MACROD2: variants seen among roughly 807,000 people sequenced by gnomAD.
The protein encoded by MACROD2 is ADP-ribose glycohydrolase MACROD2.
MACROD2 carries 36 observed loss-of-function variants against 70.4 expected under a neutral mutation model. The observed-to-expected ratio is 0.51, with a 90% CI of 0.39 to 0.68. MACROD2 has a LOEUF of 0.68. Among genes scored for constraint, MACROD2 ranks in the 30% least tolerant of loss-of-function variants. The probability of loss-of-function intolerance (pLI) is 0.00; values close to 1 mark genes in which losing one functional copy is unlikely to be tolerated. For synonymous variants in MACROD2, 172 were observed against 178.8 expected (o/e 0.96, Z 0.30); for missense variants, 496 against 538.4 (o/e 0.92, Z 0.78).
intron 5 of MACROD2, among the ~76,000 whole-genome samples, chr20:15,058,092 A>G (rs758454905): frequency 1.3e-5 from 2 of 152,130 alleles, no homozygotes; most frequent in African/African-American, 2.4e-5. Flanking sequence ...GAGGCCTGCT[A>G]TGGACCGGCT....
At chr20:15,891,612 G>C (rs1301960355) in intron 10 of MACROD2, among the ~76,000 whole-genome samples, 1 of 152,160 alleles carries the variant, frequency 6.6e-6, no homozygotes, top group Non-Finnish European at 1.5e-5. Flanking sequence ...ATCTATTTTA[G>C]AATGGAGCTG....
intron 8 of MACROD2, among the ~76,000 whole-genome samples, chr20:15,670,312 G>A (rs760364472): frequency 6.6e-6 from 1 of 152,134 alleles, no homozygotes; most frequent in Non-Finnish European, 1.5e-5. Flanking sequence ...CCCGACTAAT[G>A]CTAGGATGGT....
At chr20:14,637,810 C>G (rs538990340) in intron 4 of MACROD2, among the ~76,000 whole-genome samples, 1 of 151,958 alleles carries the variant, frequency 6.6e-6, no homozygotes, top group South Asian at 2.1e-4. Flanking sequence ...TTGCTGTCTT[C>G]TTTGACAGCT....
chr20:14,370,701 C>A (rs1005019377), intron 3 of MACROD2, among the ~76,000 whole-genome samples: 1 of 152,140 alleles, frequency 6.6e-6, no homozygotes, highest in East Asian at 1.9e-4. Flanking sequence ...TGGCTCCAAT[C>A]CATTGGTGTC....
At chr20:14,534,746 A>G (rs1027426513) in intron 4 of MACROD2, among the ~76,000 whole-genome samples, 3 of 152,010 alleles carry the variant, frequency 2.0e-5, no homozygotes, top group African/African-American at 7.2e-5. Flanking sequence ...GAACAGAAAA[A>G]TAAAAGACAG....
chr20:15,725,634 G>A (rs1029277240), intron 8 of MACROD2, among the ~76,000 whole-genome samples: 12 of 152,086 alleles, frequency 7.9e-5, no homozygotes, highest in Non-Finnish European at 1.2e-4. Context: ...GCAGTGGTAA[G>A]AGGGAATATT....
At chr20:16,045,610 C>A (rs1412287322) in intron 17 of MACROD2, among the ~76,000 whole-genome samples, 1 of 151,944 alleles carries the variant, frequency 6.6e-6, no homozygotes, top group Non-Finnish European at 1.5e-5. Flanking sequence ...CGTCTTTGCC[C>A]TTGGTCAGGT....
intron 8 of MACROD2, among the ~76,000 whole-genome samples, chr20:15,536,736 C>G (rs895865525): frequency 6.6e-6 from 1 of 152,148 alleles, no homozygotes; most frequent in Admixed American, 6.5e-5. Context: ...TAGTGCTGCT[C>G]TTCGGTGCGT....
intron 2 of MACROD2, among the ~76,000 whole-genome samples, chr20:14,048,989 A>G (rs1276689635): frequency 2.6e-5 from 4 of 152,090 alleles, no homozygotes; most frequent in African/African-American, 4.8e-5. Flanking sequence ...CTGTCTATTC[A>G]TGGTATACTA....
chr20:14,441,140 G>T (rs2084117492), intron 3 of MACROD2, among the ~76,000 whole-genome samples: 1 of 152,182 alleles, frequency 6.6e-6, no homozygotes, highest in Non-Finnish European at 1.5e-5. Flanking sequence ...AATAGAATGT[G>T]ATAGAAGTAA....
chr20:16,051,265 G>T lies in MACROD2; in HGVS notation c.*1389G>T, dbSNP rs1303306925. 1 of 152,156 alleles carries T rather than the reference G, an allele frequency of 6.6e-6. No homozygotes were observed. Among genetic ancestry groups the T allele is most frequent in the Non-Finnish European group, 1.5e-5 (1 of 68,032 alleles). The allele number at this position is 152,156 out of a possible 1,614,324, so 9.4% of individuals were successfully genotyped here. A position where few individuals can be genotyped will look rare whatever the true frequency, so the allele number is the denominator to read the frequency against. ...ACTTATATTGTTTTTCCTTAACAGA[G>T]GGAGAAAAATAGTGGATTATTATTT... On this transcript the variant is annotated 3_prime_UTR_variant, in exon 18 of 18. Transcript: ENST00000684519.
chr20:14,331,948 A>G (rs548801492), intron 3 of MACROD2, among the ~76,000 whole-genome samples: 28 of 152,132 alleles, frequency 1.8e-4, no homozygotes, highest in Non-Finnish European at 3.7e-4. Flanking sequence ...GAAAGAGGCC[A>G]TTACTTCTGA....
chr20:15,998,988 T>C (rs947160392), intron 15 of MACROD2, among the ~76,000 whole-genome samples: 7 of 152,176 alleles, frequency 4.6e-5, no homozygotes, highest in African/African-American at 1.7e-4. Context: ...ATCAGAGATT[T>C]CATGAGAGAT....
Position 14,267,317 on chromosome 20 carries a change from T to C in MACROD2, c.271+181589T>C, listed in dbSNP as rs1405177000. Among the ~76,000 whole-genome samples the C allele has an allele frequency of 1.1e-4, 16 of 152,224 alleles. No homozygotes were observed. In the East Asian group the frequency reaches 2.7e-3, roughly 26 times the overall value. On this transcript the variant is annotated intron_variant, in intron 3 of 17. Coordinates refer to ENST00000684519, the MANE Select transcript of MACROD2 (RefSeq NM_001351661.2). ...TGCAAGGAAGTGTATATAGTTCATT[T>C]AGGGGAATAATTTAATATGAGGGCT...
At chr20:14,174,310 T>G (rs561621681) in intron 3 of MACROD2, among the ~76,000 whole-genome samples, 1 of 152,238 alleles carries the variant, frequency 6.6e-6, no homozygotes, top group African/African-American at 2.4e-5. Flanking sequence ...TAGACATGTC[T>G]GATCTCAGAC....
At chr20:14,511,649 TA>T (rs1337887837) in intron 4 of MACROD2, among the ~76,000 whole-genome samples, 2 of 142,828 alleles carry the variant, frequency 1.4e-5, no homozygotes, top group East Asian at 4.3e-4. Context: ...TTGGAATATT[TA>T]AACGCTATGT....
At chr20:15,610,424 G>T (rs867442988) in intron 8 of MACROD2, among the ~76,000 whole-genome samples, 10 of 152,106 alleles carry the variant, frequency 6.6e-5, no homozygotes, top group Middle Eastern at 3.2e-3. Context: ...GGCAACCCTA[G>T]GTGTTCCTGG....
chr20:14,323,132 A>T (rs1015599098), intron 3 of MACROD2: 1 of 152,138 alleles, frequency 6.6e-6, no homozygotes, highest in Admixed American at 6.6e-5. Context: ...TTTAATCCCA[A>T]CACTGTCTAC....
chr20:15,007,689 C>T (rs369075384), intron 5 of MACROD2, among the ~76,000 whole-genome samples: 1 of 152,186 alleles, frequency 6.6e-6, no homozygotes, highest in Non-Finnish European at 1.5e-5. Context: ...GAATGACTCC[C>T]GGAACAAATA....
Sources: gnomAD v4.1 joint callset for allele counts (sites outside exome capture counted in the v4.1 genomes callset) on GRCh38, gnomAD v4.1.1 for gene constraint, MANE v1.5 for transcripts, NCBI Gene and HGNC (gene_info 2026-07-23, HGNC 2026-07-21) for gene names.